The following SLC30A9 variants were observed in gnomAD, a reference collection of about 807,000 sequenced individuals.
The protein encoded by SLC30A9 is proton-coupled zinc antiporter SLC30A9, mitochondrial.
A neutral mutation model predicts 87.5 loss-of-function variants in SLC30A9; 58 were observed. That is an observed-to-expected ratio of 0.66 (90% confidence interval 0.54 to 0.82). SLC30A9 has a LOEUF of 0.82. Among genes scored for constraint, SLC30A9 ranks in the 40% least tolerant of loss-of-function variants. SLC30A9 has a pLI of 0.00. For synonymous variants in SLC30A9, 234 were observed against 233.0 expected, an observed-to-expected ratio of 1.00 and a Z score of -0.04; for missense variants, 557 against 679.1, an observed-to-expected ratio of 0.82 and a Z score of 2.00.
intron 12 of SLC30A9, 29 bp from the exon 13 acceptor site, chr4:42,066,521 T>A: frequency 6.7e-7 from 1 of 1,502,694 alleles, no homozygotes; most frequent in South Asian, 1.2e-5. Flanking sequence ...GAAGTTTCTG[T>A]CTTGCTGATA....
At chr4:42,042,144 A>G (rs1373927136) in intron 8 of SLC30A9, among the ~76,000 whole-genome samples, 3 of 152,206 alleles carry the variant, frequency 2.0e-5, no homozygotes, top group Non-Finnish European at 2.9e-5. Flanking sequence ...ATTTGGGCAG[A>G]CACCAAGCTA....
At chr4:42,017,270 T>C (rs908276345) in intron 2 of SLC30A9, among the ~76,000 whole-genome samples, 3 of 152,120 alleles carry the variant, frequency 2.0e-5, no homozygotes, top group African/African-American at 7.2e-5. Flanking sequence ...TAATGGATTG[T>C]CATTTTTTTG....
At chr4:42,022,734 A>G in intron 4 of SLC30A9, 104 bp from the exon 5 acceptor site, 1 of 534,314 alleles carries the variant, frequency 1.9e-6, no homozygotes, top group Admixed American at 3.1e-5. Context: ...TTTCTCTAAG[A>G]TGGGGATCAG....
intron 6 of SLC30A9, among the ~76,000 whole-genome samples, chr4:42,023,645 A>T (rs1716068283): frequency 6.6e-6 from 1 of 152,180 alleles, no homozygotes; most frequent in Admixed American, 6.5e-5. Context: ...AACTATCAAA[A>T]CTTATCTGAT....
Position 42,001,786 on chromosome 4 carries a change from T to C in SLC30A9, c.274+6T>C. On this transcript the variant is annotated splice_donor_region_variant and intron_variant, in intron 2 of 17. Transcript: ENST00000264451. ...AGTACCATCATTTGAAACAGGTATG[T>C]GTAATTTTTTTAATGTACTTTTTTC... The C allele has an allele frequency of 1.3e-6, 2 of 1,592,788 alleles. No individual in the cohort carries two copies. The highest frequency in any genetic ancestry group is 1.7e-6 in the Non-Finnish European group (2 of 1,169,484).
chr4:42,084,060 C>G (rs1718832628), intron 17 of SLC30A9, among the ~76,000 whole-genome samples: 1 of 152,064 alleles, frequency 6.6e-6, no homozygotes, highest in African/African-American at 2.4e-5. Context: ...GCACATGGTC[C>G]TAGGATATTT....
chr4:42,065,390 T>C (rs1718041170), intron 12 of SLC30A9, 41 bp downstream of exon 12: 4 of 1,031,120 alleles, frequency 3.9e-6, no homozygotes, highest in South Asian at 1.3e-5. Flanking sequence ...CTTAATTTAG[T>C]AATATATATT....
In SLC30A9 at chr4:42,033,606, C is replaced by T. The variant is rs556828750; in HGVS notation, c.611-1669C>T. 1.4e-4 allele frequency among the ~76,000 whole-genome samples: 22 copies of T among 152,164 alleles called. No individual in the cohort carries two copies. The South Asian group carries it at 2.9e-3, about 20-fold the overall frequency. ...TTGCTTTTTTTTTGAGGCGGAGTCT[C>T]GCTCTGTGGCCCAGGCTGGAGTGCA... On this transcript the variant is annotated intron_variant, in intron 6 of 17. Coordinates refer to ENST00000264451, the MANE Select transcript of SLC30A9 (RefSeq NM_006345.4).
intron 1 of SLC30A9, among the ~76,000 whole-genome samples, chr4:41,992,572 G>A (rs1714499257): frequency 6.6e-6 from 1 of 152,082 alleles, no homozygotes; most frequent in Admixed American, 6.6e-5. Context: ...TCATTATGTT[G>A]AAAATTATGT....
chr4:41,998,465 T>G (rs1714823018), intron 1 of SLC30A9, among the ~76,000 whole-genome samples: 1 of 149,730 alleles, frequency 6.7e-6, no homozygotes, highest in African/African-American at 2.5e-5. Flanking sequence ...AGTAATTCTT[T>G]TTTTTTGTTT....
intron 6 of SLC30A9, 43 bp from the exon 7 acceptor site, chr4:42,035,232 G>T: frequency 6.4e-7 from 1 of 1,555,262 alleles, no homozygotes; most frequent in Non-Finnish European, 8.8e-7. Context: ...ACTGTGACTG[G>T]TAAGAATATC....
At chr4:42,041,583 T>C (rs1716925059) in intron 8 of SLC30A9, among the ~76,000 whole-genome samples, 3 of 152,086 alleles carry the variant, frequency 2.0e-5, no homozygotes, top group South Asian at 4.1e-4. Context: ...AAAAATTTTT[T>C]TAATTAGCTG....
chr4:42,028,203 C>T (rs192435594), intron 6 of SLC30A9, among the ~76,000 whole-genome samples: 5 of 152,256 alleles, frequency 3.3e-5, no homozygotes, highest in East Asian at 3.9e-4. Flanking sequence ...CTGCAACCTC[C>T]GCCTCCTGGG....
rs141074519 is a variant in SLC30A9, at chr4:42,077,057, A to G, written c.1549-1155A>G. On this transcript the variant is annotated intron_variant, in intron 16 of 17. Transcript: ENST00000264451. The stretch of plus-strand genomic sequence containing the variant: ...AAAATTTCTTTAGTATGGTGTATAT[A>G]TAGATAGCTAGATTTTAAATAGGTG... 9.0e-3 allele frequency among the ~76,000 whole-genome samples: 1,370 copies of G among 152,176 alleles called. 22 individuals are homozygous for G. The highest frequency in any genetic ancestry group is 0.032 in the African/African-American group (1,317 of 41,526).
In SLC30A9 at chr4:42,086,344, GA is replaced by G. The variant is rs533271903; in HGVS notation, c.*222del. On this transcript the variant is annotated 3_prime_UTR_variant, in exon 18 of 18. Transcript: ENST00000264451. Reference sequence around the variant, plus strand: ...GACACACTACAAGTTGAATCAATTTGAAAATCATGTTTTTATGCTTCCATAG... The same window carrying G: ...GACACACTACAAGTTGAATCAATTTGAAATCATGTTTTTATGCTTCCATAG... 30 of 377,300 alleles carry G rather than the reference GA, an allele frequency of 8.0e-5. No individual in the cohort carries two copies. In the South Asian group the frequency reaches 3.3e-3, roughly 42 times the overall value. 23.4% of individuals were successfully genotyped at this position (377,300 alleles called of 1,614,324 possible).
Position 42,088,184 on chromosome 4 carries a change from A to C in SLC30A9, c.*2058A>C, listed in dbSNP as rs1462382350. On this transcript the variant is annotated 3_prime_UTR_variant, in exon 18 of 18. Transcript: ENST00000264451. ...GTAAAATAAGACATAAAGGAGTACA[A>C]CATATCAAGGAATTTGAGTATTTAT... 6.6e-6 allele frequency: 1 copy of C among 151,500 alleles called. No homozygotes were observed. The highest frequency in any genetic ancestry group is 1.5e-5 in the Non-Finnish European group (1 of 67,538). 9.4% of individuals were successfully genotyped at this position (151,500 alleles called of 1,614,324 possible).
chr4:42,073,386 C>G (rs1718394655), intron 15 of SLC30A9, among the ~76,000 whole-genome samples: 1 of 152,148 alleles, frequency 6.6e-6, no homozygotes. Context: ...GAGTGAATAT[C>G]TGTGGATTCA....
At chr4:42,055,614 G>T (rs751324167) in intron 9 of SLC30A9, among the ~76,000 whole-genome samples, 3 of 152,116 alleles carry the variant, frequency 2.0e-5, no homozygotes, top group Non-Finnish European at 4.4e-5. Flanking sequence ...TTCTGTTACA[G>T]TTCATGTTGG....
intron 12 of SLC30A9, among the ~76,000 whole-genome samples, 199 bp downstream of exon 12, chr4:42,065,548 T>G (rs1012538774): frequency 1.1e-4 from 17 of 152,168 alleles, no homozygotes; most frequent in African/African-American, 4.1e-4. Context: ...TGTGGGGGGG[T>G]GTGTAACTGC....
Sources: gnomAD v4.1 joint callset for allele counts (sites outside exome capture counted in the v4.1 genomes callset) on GRCh38, gnomAD v4.1.1 for gene constraint, MANE v1.5 for transcripts, NCBI Gene and HGNC (gene_info 2026-07-23, HGNC 2026-07-21) for gene names.